Variants in LHX1 observed in about 807,000 individuals in gnomAD.
LHX1 encodes LIM/homeobox protein Lhx1.
LHX1 carries 9 observed loss-of-function variants against 34.1 expected under a neutral mutation model. The ratio of observed to expected loss-of-function variants is 0.26; its 90% CI spans 0.16 to 0.46. LHX1 has a LOEUF of 0.46. Among genes scored for constraint, LHX1 ranks in the 20% least tolerant of loss-of-function variants. The probability of loss-of-function intolerance (pLI) is 1.00; values close to 1 mark genes in which losing one functional copy is unlikely to be tolerated. For synonymous variants in LHX1, 254 were observed against 241.5 expected (o/e 1.05, Z -0.48); for missense variants, 446 against 559.1 (o/e 0.80, Z 2.04).
rs752227729 is a variant in LHX1 at position 36,942,242 on chromosome 17, C to T, written c.718C>T (p.Gln240Ter). The T allele has an allele frequency of 6.2e-7, 1 of 1,601,786 alleles. No homozygotes were observed. Among genetic ancestry groups the T allele is most frequent in the Non-Finnish European group, 8.5e-7 (1 of 1,176,626 alleles). Residue 240 changes from glutamine to a stop codon, truncating the protein, a stop_gained, in exon 4 of 5, where the codon CAG (glutamine) becomes TAG (stop). Coordinates refer to ENST00000614239, the MANE Select transcript of LHX1 (RefSeq NM_005568.5). LOFTEE classifies it high-confidence loss of function. ...GCGCTCCAAGGAGCGGAGGATGAAG[C>T]AGCTGAGCGCCCTGGGCGCCCGGCG... The part of the protein sequence containing the change: ...NRRSKERRMK[Q>*]LSALGARRHA...
At position 36,942,812 on chromosome 17, in the gene LHX1, C is replaced by A. The variant is rs148800710; in HGVS notation, c.902C>A (p.Pro301Gln). 93 of 1,556,014 alleles carry A rather than the reference C, an allele frequency of 6.0e-5. No homozygotes were observed. Among genetic ancestry groups the A allele is most frequent in the Non-Finnish European group, 7.8e-5 (89 of 1,147,492 alleles). ...TACGACTTCTTCCCGCAAGGCCCCC[C>A]GTCCTCGCAGGCCCAGACACCAGTG... ...GNYDFFPQGP[P>Q]SSQAQTPVDL... The change falls in exon 5 of 5, where the codon CCG (proline) becomes CAG (glutamine). Residue 301 changes from proline (P) to glutamine (Q), a missense_variant. Coordinates refer to ENST00000614239, the MANE Select transcript of LHX1 (RefSeq NM_005568.5).
intron 1 of LHX1, among the ~76,000 whole-genome samples, chr17:36,939,434 C>A (rs2070750029): frequency 6.6e-6 from 1 of 152,232 alleles, no homozygotes; most frequent in Non-Finnish European, 1.5e-5. Flanking sequence ...GTCCCCAGTG[C>A]CGCTCCAGGA....
Position 36,940,590 on chromosome 17 carries a change from A to C in LHX1, c.398-20A>C. 1.9e-6 allele frequency: 3 copies of C among 1,613,646 alleles called. No individual in the cohort carries two copies. Among genetic ancestry groups the C allele is most frequent in the Non-Finnish European group, 2.5e-6 (3 of 1,180,020 alleles). ...GGAAGGCTCGCCAAGGCCCCGGCTC[A>C]TCTGTCCTTTCCCTCTTAGCCACCA... On this transcript the variant is annotated intron_variant, in intron 2 of 4. Coordinates refer to ENST00000614239, the MANE Select transcript of LHX1 (RefSeq NM_005568.5).
In LHX1 at chr17:36,943,914, C is replaced by T. The variant is rs142874133; in HGVS notation, c.*783C>T. The T allele has an allele frequency of 4.6e-5, 6 of 131,836 alleles. No homozygotes were observed. Among genetic ancestry groups the T allele is most frequent in the Non-Finnish European group, 8.0e-5 (5 of 62,880 alleles). The allele number at this position is 131,836 out of a possible 1,614,324, so 8.2% of individuals were successfully genotyped here. ...TCAGCTGTACAAGAAAAGTATTCTACCTTCACACACAAAAAGTTAAAAAAA... is the reference window on the plus strand; with the variant it reads ...TCAGCTGTACAAGAAAAGTATTCTATCTTCACACACAAAAAGTTAAAAAAA... On this transcript the variant is annotated 3_prime_UTR_variant, in exon 5 of 5. Transcript: ENST00000614239.
intron 3 of LHX1, chr17:36,941,106 A>C (rs777345312): frequency 2.6e-6 from 2 of 782,274 alleles, no homozygotes; most frequent in Admixed American, 2.0e-5. Flanking sequence ...TGATCGTGGC[A>C]GTGGAGGGGG....
chr17:36,938,564 A>C lies in LHX1; in HGVS notation c.170+197A>C, dbSNP rs557991244. The C allele has an allele frequency of 7.4e-6, 5 of 675,216 alleles. No individual in the cohort carries two copies. In the South Asian group the frequency reaches 8.0e-5, roughly 11 times the overall value. 41.8% of individuals were successfully genotyped at this position (675,216 alleles called of 1,614,324 possible). ...GGACGCGGCCCTGCTTGCATCCTGG[A>C]AACTATGGGTCTGGGTTTGGCTGCA... On this transcript the variant is annotated intron_variant, in intron 1 of 4. Transcript: ENST00000614239.
chr17:36,942,647 C>T (rs2070773376), intron 4 of LHX1, 105 bp from the exon 5 acceptor site: 8 of 1,259,444 alleles, frequency 6.4e-6, no homozygotes, highest in East Asian at 2.7e-5. Flanking sequence ...GCGAGTTCCC[C>T]GCGCGGCCTT....
Position 36,943,098 on chromosome 17 carries a change from C to T in LHX1, c.1188C>T (p.His396=), listed in dbSNP as rs376578880. 7 of 1,610,872 alleles carry T rather than the reference C, an allele frequency of 4.3e-6. No individual in the cohort carries two copies. The highest frequency in any genetic ancestry group is 5.9e-6 in the Non-Finnish European group (7 of 1,178,966). ...CGAGCTACGGAAACCACCTGTCCCA[C>T]CCCCCCGAAATGAACGAGGCGGCCG... ...GGASYGNHLS[H]PPEMNEAAVW Residue 396 remains histidine (H), a synonymous_variant, in exon 5 of 5, where the codon CAC becomes CAT. Transcript: ENST00000614239.
Position 36,942,840 on chromosome 17 carries a change from C to T in LHX1, c.930C>T (p.Asp310=), listed in dbSNP as rs770380533. 6 of 1,589,458 alleles carry T rather than the reference C, an allele frequency of 3.8e-6. No homozygotes were observed. The highest frequency in any genetic ancestry group is 5.1e-6 in the Non-Finnish European group (6 of 1,165,436). The change falls in exon 5 of 5, where the codon GAC becomes GAT. Residue 310 remains aspartate (D), a synonymous_variant. Coordinates refer to ENST00000614239, the MANE Select transcript of LHX1 (RefSeq NM_005568.5). The part of the protein sequence containing the change: ...PPSSQAQTPV[D]LPFVPSSGPS... ...CCTCGCAGGCCCAGACACCAGTGGA[C>T]CTACCCTTCGTGCCGTCATCTGGGC...
intron 3 of LHX1, chr17:36,941,409 G>A (rs2070764301): frequency 6.0e-6 from 2 of 333,544 alleles, no homozygotes; most frequent in African/African-American, 4.3e-5. Flanking sequence ...CTTCCAGCGG[G>A]TTGGAGTGAA....
At chr17:36,940,976 A>AGAGAAGT in intron 3 of LHX1, 89 bp downstream of exon 3, 1 of 1,528,438 alleles carries the variant, frequency 6.5e-7, no homozygotes, top group Non-Finnish European at 8.8e-7. Flanking sequence ...CAGAATCCAG[A>AGAGAAGT]GAGAAGTGAG....
rs1401075830 is a variant in LHX1, at chr17:36,940,485, C to T, written c.366C>T (p.Ser122=). ...GCAAAGAGGATTACCTAAGTAACAG[C>T]AGTGTTGCCAAAGAGAACAGCCTTC... ...FVCKEDYLSN[S]SVAKENSLHS... The change falls in exon 2 of 5, where the codon AGC becomes AGT. Residue 122 remains serine (S), a synonymous_variant. Transcript: ENST00000614239. 1.2e-6 allele frequency: 2 copies of T among 1,614,026 alleles called. No homozygotes were observed. Among genetic ancestry groups the T allele is most frequent in the South Asian group, 1.1e-5 (1 of 91,090 alleles).
In LHX1 at chr17:36,940,464, A is replaced by G; in HGVS notation, c.345A>G (p.Lys115=). 3 of 1,614,110 alleles carry G rather than the reference A, an allele frequency of 1.9e-6. No individual in the cohort carries two copies. Among genetic ancestry groups the G allele is most frequent in the Non-Finnish European group, 2.5e-6 (3 of 1,180,050 alleles). Residue 115 remains lysine, a synonymous_variant, in exon 2 of 5, where the codon AAA becomes AAG. Coordinates refer to ENST00000614239, the MANE Select transcript of LHX1 (RefSeq NM_005568.5). The part of the protein sequence containing the change: ...YIIDENKFVC[K]EDYLSNSSVA... ...TCGACGAGAATAAGTTCGTCTGCAAAGAGGATTACCTAAGTAACAGCAGTG... is the reference window on the plus strand; with the variant it reads ...TCGACGAGAATAAGTTCGTCTGCAAGGAGGATTACCTAAGTAACAGCAGTG...
At chr17:36,942,555 G>A (rs922236717) in intron 4 of LHX1, among the ~76,000 whole-genome samples, 190 bp downstream of exon 4, 4 of 152,198 alleles carry the variant, frequency 2.6e-5, no homozygotes, top group African/African-American at 7.2e-5. Context: ...CTGAATAACG[G>A]GGGTAGCTGG....
chr17:36,936,879 G>A (rs1008767515), upstream of LHX1: 1 of 198,902 alleles, frequency 5.0e-6, no homozygotes, highest in Non-Finnish European at 1.0e-5. Flanking sequence ...GGACGCGCCC[G>A]GGGAGGGCCA....
chr17:36,942,724 G>A, intron 4 of LHX1, 28 bp from the exon 5 acceptor site: 2 of 1,470,012 alleles, frequency 1.4e-6, no homozygotes, highest in South Asian at 2.8e-5. Context: ...GGGCCCTGAC[G>A]TCCTGCGCCC....
Position 36,940,789 on chromosome 17 carries a change from G to C in LHX1, c.577G>C (p.Glu193Gln). The change falls in exon 3 of 5, where the codon GAG becomes CAG. Residue 193 changes from glutamate (E) to glutamine (Q), a missense_variant. Physicochemically the swap from Glu to Gln is conservative, Grantham distance 29 (BLOSUM62 2). Transcript: ENST00000614239. ...CACCACCATCAAAGCCAAGCAGCTGGAGACGCTGAAGGCCGCCTTCGCTGC... is the reference window on the plus strand; with the variant it reads ...CACCACCATCAAAGCCAAGCAGCTGCAGACGCTGAAGGCCGCCTTCGCTGC... ...PRTTIKAKQL[E>Q]TLKAAFAATP... 6.2e-7 allele frequency: 1 copy of C among 1,613,046 alleles called. No homozygotes were observed. The highest frequency in any genetic ancestry group is 8.5e-7 in the Non-Finnish European group (1 of 1,179,972).
At position 36,942,196 on chromosome 17, in the gene LHX1, G is replaced by A. The variant is rs1409538911; in HGVS notation, c.676-4G>A. On this transcript the variant is annotated splice_polypyrimidine_tract_variant and splice_region_variant and intron_variant, in intron 3 of 4. Coordinates refer to ENST00000614239, the MANE Select transcript of LHX1 (RefSeq NM_005568.5). ...TGGCCTCACCCCGCCGCCATGTGCT[G>A]CAGGTCTGGTTCCAGAACCGGCGCT... 4.4e-6 allele frequency: 7 copies of A among 1,588,584 alleles called. No individual in the cohort carries two copies.
At chr17:36,940,545 T>G (rs375027069) in intron 2 of LHX1, 29 bp downstream of exon 2, 1 of 1,613,598 alleles carries the variant, frequency 6.2e-7, no homozygotes, top group South Asian at 1.1e-5. Flanking sequence ...GCTGGCTAGG[T>G]GCAAGCGGGT....
Sources: allele counts gnomAD v4.1 joint callset (sites outside exome capture counted in the v4.1 genomes callset), GRCh38; gene constraint gnomAD v4.1.1; transcripts MANE v1.5; gene names NCBI Gene and HGNC (gene_info 2026-07-23, HGNC 2026-07-21).